The following NXPH2 variants were observed in gnomAD, a reference collection of about 807,000 sequenced individuals.
NXPH2 encodes neurexophilin-2.
In NXPH2, 5 loss-of-function variants were observed where a neutral mutation model predicts 19.8. That is an observed-to-expected ratio of 0.25 (90% CI 0.13 to 0.53). The LOEUF is 0.53. Among genes scored for constraint, NXPH2 ranks in the 20% least tolerant of loss-of-function variants. The pLI is 0.96. For synonymous variants in NXPH2, 154 were observed against 127.4 expected (o/e 1.21, Z -1.41); for missense variants, 289 against 322.8 (o/e 0.90, Z 0.80).
At chr2:138,763,158 A>T (rs1194553685) in intron 1 of NXPH2, among the ~76,000 whole-genome samples, 1 of 152,204 alleles carries the variant, frequency 6.6e-6, no homozygotes, top group Admixed American at 6.5e-5. Flanking sequence ...TGTCCTTAGC[A>T]TATAAATATC....
intron 1 of NXPH2, among the ~76,000 whole-genome samples, chr2:138,720,821 G>A (rs901353015): frequency 1.3e-5 from 2 of 152,156 alleles, no homozygotes; most frequent in Non-Finnish European, 2.9e-5. Context: ...TCTGAGTAGA[G>A]CTGTTGTGAA....
At position 138,680,668 on chromosome 2, in the gene NXPH2, A is replaced by T. The variant is rs1165208178; in HGVS notation, c.52-9003T>A. Among the ~76,000 whole-genome samples, 7 of 152,240 alleles carry T rather than the reference A, an allele frequency of 4.6e-5. No homozygotes were observed. In the East Asian group the frequency reaches 1.3e-3, roughly 29 times the overall value. On this transcript the variant is annotated intron_variant, in intron 1 of 1. Transcript: ENST00000272641. ...AAATGCTAATCCTAATTAAGGGAAC[A>T]GGGTAAGCAACAGGGCAGGGAGTGA... is the stretch of plus-strand genomic sequence containing the variant.
At chr2:138,770,007 A>G (rs1682152209) in intron 1 of NXPH2, among the ~76,000 whole-genome samples, 1 of 152,352 alleles carries the variant, frequency 6.6e-6, no homozygotes, top group African/African-American at 2.4e-5. Flanking sequence ...TTAAGGATAC[A>G]GAAACATGCA....
chr2:138,776,773 T>C (rs1370557047), intron 1 of NXPH2, among the ~76,000 whole-genome samples: 7 of 152,054 alleles, frequency 4.6e-5, no homozygotes, highest in African/African-American at 1.7e-4. Flanking sequence ...TTCTTGTAAG[T>C]ACAGAAGAAG....
At chr2:138,684,958 A>C (rs949610983) in intron 1 of NXPH2, among the ~76,000 whole-genome samples, 10 of 152,174 alleles carry the variant, frequency 6.6e-5, no homozygotes, top group Non-Finnish European at 1.5e-4. Context: ...GGCTTTCCAC[A>C]CATCTTCACT....
At chr2:138,773,343 C>T (rs1044658046) in intron 1 of NXPH2, among the ~76,000 whole-genome samples, 1 of 152,172 alleles carries the variant, frequency 6.6e-6, no homozygotes, top group African/African-American at 2.4e-5. Flanking sequence ...CCAATCGTCT[C>T]CTGTTTGAAC....
At chr2:138,724,487 A>G (rs1372915943) in intron 1 of NXPH2, among the ~76,000 whole-genome samples, 1 of 152,252 alleles carries the variant, frequency 6.6e-6, no homozygotes, top group African/African-American at 2.4e-5. Flanking sequence ...CTTACAAACA[A>G]TGCAAATAGC....
intron 1 of NXPH2, among the ~76,000 whole-genome samples, chr2:138,705,160 C>T (rs570566751): frequency 5.9e-5 from 9 of 151,904 alleles, no homozygotes; most frequent in Non-Finnish European, 1.2e-4. Flanking sequence ...GATGGAGTCT[C>T]GATACGTTGC....
In NXPH2 at chr2:138,732,611, C is replaced by T. The variant is rs888925927; in HGVS notation, c.51+47580G>A. Among the ~76,000 whole-genome samples, 84 of 152,294 alleles carry T rather than the reference C, an allele frequency of 5.5e-4. 1 individual carries two copies. Among genetic ancestry groups the T allele is most frequent in the Admixed American group, 3.9e-3 (59 of 15,300 alleles). On this transcript the variant is annotated intron_variant, in intron 1 of 1. Transcript: ENST00000272641. ...CTGCTGTGCTGGACCTGCTCTTCTC[C>T]TGACTTGTCACCTTGGCTTTACAAG... is the stretch of plus-strand genomic sequence containing the variant.
chr2:138,685,909 T>C (rs986053515), intron 1 of NXPH2, among the ~76,000 whole-genome samples: 1 of 152,226 alleles, frequency 6.6e-6, no homozygotes, highest in Admixed American at 6.5e-5. Context: ...TTTTTGTTTT[T>C]TGACTTGGTT....
In NXPH2 at chr2:138,671,551, G is replaced by A. The variant is rs1472780379; in HGVS notation, c.166C>T (p.Leu56=). ...NVVHSRIISP[L]RLFVKQSPVP... ...GGAGACTGTTTAACAAACAGGCGCA[G>A]GGGACTGATGATCCTTGAGTGCACC... The change falls in exon 2 of 2, where the codon CTG becomes TTG. Residue 56 remains leucine (L), a synonymous_variant. Transcript: ENST00000272641. The A allele has an allele frequency of 3.7e-6, 6 of 1,613,862 alleles. No individual in the cohort carries two copies. Among genetic ancestry groups the A allele is most frequent in the Non-Finnish European group, 5.1e-6 (6 of 1,179,876 alleles).
intron 1 of NXPH2, among the ~76,000 whole-genome samples, chr2:138,713,987 T>A (rs201409477): frequency 6.2e-5 from 9 of 146,244 alleles, no homozygotes; most frequent in East Asian, 2.1e-4. Flanking sequence ...AAAAAAAAAA[T>A]TTCACTACAA....
intron 1 of NXPH2, among the ~76,000 whole-genome samples, chr2:138,698,590 C>T (rs1396976026): frequency 1.3e-5 from 2 of 152,140 alleles, no homozygotes; most frequent in African/African-American, 4.8e-5. Context: ...CGTGGTGACT[C>T]AGGCCTGTAA....
At chr2:138,762,619 T>C (rs34649797) in intron 1 of NXPH2, among the ~76,000 whole-genome samples, 8,928 of 152,304 alleles carry the variant, frequency 0.059, 355 homozygotes, top group Middle Eastern at 0.12. Flanking sequence ...CCTAATATTT[T>C]TCTTGTTCAA....
intron 1 of NXPH2, among the ~76,000 whole-genome samples, chr2:138,744,159 A>G (rs191772892): frequency 4.6e-5 from 7 of 152,244 alleles, no homozygotes; most frequent in African/African-American, 1.7e-4. Flanking sequence ...AAAAAATTAT[A>G]TGTGTTTTCA....
chr2:138,682,525 G>C (rs1010050786), intron 1 of NXPH2, among the ~76,000 whole-genome samples: 3 of 152,132 alleles, frequency 2.0e-5, no homozygotes, highest in Non-Finnish European at 4.4e-5. Context: ...GGCATAATGT[G>C]GCATTGTTCC....
intron 1 of NXPH2, among the ~76,000 whole-genome samples, chr2:138,755,243 T>C (rs1681889570): frequency 1.3e-5 from 2 of 152,146 alleles, no homozygotes; most frequent in South Asian, 2.1e-4. Context: ...TGTGCCTCTA[T>C]ATGACCCAAG....
chr2:138,779,166 G>A (rs1426851680), intron 1 of NXPH2, among the ~76,000 whole-genome samples: 1 of 152,224 alleles, frequency 6.6e-6, no homozygotes, highest in African/African-American at 2.4e-5. Flanking sequence ...CTTGGGCAAA[G>A]TCTTAAGTAT....
chr2:138,706,918 T>G, intron 1 of NXPH2, among the ~76,000 whole-genome samples: 1 of 148,248 alleles, frequency 6.7e-6, no homozygotes, highest in Non-Finnish European at 1.5e-5. Context: ...TAAACTAAAA[T>G]AAAGAAAAAA....
Sources: allele counts gnomAD v4.1 joint callset (sites outside exome capture counted in the v4.1 genomes callset), GRCh38; gene constraint gnomAD v4.1.1; transcripts MANE v1.5; gene names NCBI Gene and HGNC (gene_info 2026-07-23, HGNC 2026-07-21).